SULF2: variants seen among roughly 807,000 people sequenced by gnomAD.
SULF2 encodes the protein sulfatase 2.
SULF2 carries 52 observed loss-of-function variants against 107.7 expected under a neutral mutation model. The observed-to-expected ratio is 0.48, with a 90% CI of 0.39 to 0.61. SULF2 has a LOEUF of 0.61. SULF2 is among the 20% of genes least tolerant of loss of function. The pLI is 0.00. For missense variants in SULF2, 993 were observed against 1,177.3 expected, an observed-to-expected ratio of 0.84 and a Z score of 2.29; for synonymous variants, 460 against 464.3, an observed-to-expected ratio of 0.99 and a Z score of 0.12.
At chr20:47,775,993 T>C (rs998557534) in intron 1 of SULF2, among the ~76,000 whole-genome samples, 2 of 152,112 alleles carry the variant, frequency 1.3e-5, no homozygotes, top group Non-Finnish European at 2.9e-5. Flanking sequence ...AGGCAGATAA[T>C]GTAAACGGGT....
At chr20:47,757,852 C>T (rs982309379) in intron 1 of SULF2, among the ~76,000 whole-genome samples, 4 of 152,106 alleles carry the variant, frequency 2.6e-5, no homozygotes, top group Non-Finnish European at 4.4e-5. Context: ...ATTTGCCGTC[C>T]TCTTGCATCT....
intron 3 of SULF2, among the ~76,000 whole-genome samples, chr20:47,717,590 C>T (rs2089162514): frequency 6.6e-6 from 1 of 152,124 alleles, no homozygotes; most frequent in Admixed American, 6.5e-5. Flanking sequence ...AGACTATCTC[C>T]GAAGTGCTTT....
intron 3 of SULF2, chr20:47,707,036 C>T (rs574031624): frequency 6.6e-6 from 1 of 152,158 alleles, no homozygotes; most frequent in Admixed American, 6.5e-5. Context: ...GTCACCCAGT[C>T]TGGAGGGCAG....
At chr20:47,676,710 C>T (rs1476112327) in intron 9 of SULF2, 87 bp from the exon 10 acceptor site, 1 of 1,490,798 alleles carries the variant, frequency 6.7e-7, no homozygotes. Context: ...AGAGGGGTGC[C>T]CCCTCGGCTC....
intron 5 of SULF2, among the ~76,000 whole-genome samples, chr20:47,687,713 GT>G (rs74178754): frequency 2.6e-4 from 38 of 147,168 alleles, no homozygotes; most frequent in Admixed American, 1.5e-3. Flanking sequence ...GCATGTGTGT[GT>G]TTTTTTTTTT....
chr20:47,701,079 A>C (rs893516962), intron 4 of SULF2, among the ~76,000 whole-genome samples: 6 of 152,372 alleles, frequency 3.9e-5, no homozygotes, highest in Non-Finnish European at 8.8e-5. Flanking sequence ...AATAGACCCA[A>C]ACTGGAGACA....
chr20:47,713,681 T>C (rs2089008798), intron 3 of SULF2, among the ~76,000 whole-genome samples: 2 of 151,656 alleles, frequency 1.3e-5, no homozygotes, highest in African/African-American at 4.9e-5. Flanking sequence ...GCCCAGGAGT[T>C]TAGGTCTGCA....
intron 2 of SULF2, among the ~76,000 whole-genome samples, chr20:47,739,372 A>T (rs1046925005): frequency 6.6e-6 from 1 of 152,016 alleles, no homozygotes; most frequent in Non-Finnish European, 1.5e-5. Context: ...TCTACTTTAA[A>T]TTTTTACCAC....
Position 47,757,359 on chromosome 20 carries a change from C to A in SULF2, c.5G>T (p.Gly2Val). Reference protein sequence around the residue: MGPPSLVLCLLS... With the variant: MVPPSLVLCLLS... ...CAAGCACAGCACGAGGCTCGGGGGG[C>A]CCATCTTCTTTTTTTGCTGATCTGG... The change falls in exon 2 of 21, where the codon GGC (glycine) becomes GTC (valine). Residue 2 changes from glycine to valine, a missense_variant. Gly to Val is a moderately radical substitution (Grantham distance 109, BLOSUM62 -3). Transcript: ENST00000688720. 1 of 1,585,022 alleles carries A rather than the reference C, an allele frequency of 6.3e-7. No homozygotes were observed. The highest frequency in any genetic ancestry group is 8.6e-7 in the Non-Finnish European group (1 of 1,162,268).
chr20:47,758,860 T>TA, intron 1 of SULF2, among the ~76,000 whole-genome samples: 1 of 152,330 alleles, frequency 6.6e-6, no homozygotes, highest in Non-Finnish European at 1.5e-5. Flanking sequence ...TGAAAGGGTC[T>TA]GTTTGTCCTT....
chr20:47,742,662 A>G (rs2089912049), intron 2 of SULF2, among the ~76,000 whole-genome samples: 1 of 152,222 alleles, frequency 6.6e-6, no homozygotes, highest in Non-Finnish European at 1.5e-5. Context: ...ACGTGATTTA[A>G]GAAAAAACCC....
chr20:47,668,535 G>A (rs899637575), intron 11 of SULF2, among the ~76,000 whole-genome samples: 11 of 152,350 alleles, frequency 7.2e-5, no homozygotes, highest in Middle Eastern at 6.8e-3. Flanking sequence ...CGGCGGCCAA[G>A]AGCTTTGACT....
intron 11 of SULF2, among the ~76,000 whole-genome samples, chr20:47,667,165 G>A (rs149285821): frequency 6.6e-6 from 1 of 152,210 alleles, no homozygotes; most frequent in Admixed American, 6.5e-5. Flanking sequence ...AGGAAAAAAA[G>A]TATCATGGAT....
chr20:47,737,194 G>A (rs1189286213), intron 2 of SULF2, among the ~76,000 whole-genome samples: 1 of 152,166 alleles, frequency 6.6e-6, no homozygotes, highest in Non-Finnish European at 1.5e-5. Context: ...AATGGTGCTG[G>A]AGGTGAGTGA....
chr20:47,703,099 A>G (rs569814176), intron 3 of SULF2, among the ~76,000 whole-genome samples: 1 of 151,642 alleles, frequency 6.6e-6, no homozygotes, highest in Non-Finnish European at 1.5e-5. Context: ...AATTTTTTGT[A>G]TTTTTAGTAG....
At chr20:47,758,633 G>A (rs975858504) in intron 1 of SULF2, among the ~76,000 whole-genome samples, 6 of 152,118 alleles carry the variant, frequency 3.9e-5, no homozygotes, top group African/African-American at 1.4e-4. Flanking sequence ...AGGTGGGGAC[G>A]CGACTCTGGC....
intron 1 of SULF2, among the ~76,000 whole-genome samples, chr20:47,774,707 T>C (rs1199263660): frequency 6.6e-6 from 1 of 152,204 alleles, no homozygotes; most frequent in Admixed American, 6.5e-5. Flanking sequence ...CAGAGATTTC[T>C]AACAATTTTT....
At chr20:47,672,069 G>C in intron 11 of SULF2, 129 bp downstream of exon 11, 1 of 979,496 alleles carries the variant, frequency 1.0e-6, no homozygotes, top group Non-Finnish European at 1.5e-6. Flanking sequence ...AGATGTGGCT[G>C]TGTCCCCAGC....
intron 3 of SULF2, among the ~76,000 whole-genome samples, chr20:47,711,262 G>A (rs913149906): frequency 1.9e-4 from 29 of 152,348 alleles, no homozygotes; most frequent in South Asian, 4.1e-4. Flanking sequence ...TGCCCAAAGC[G>A]TCTCTGCAGT....
Sources: gnomAD v4.1 joint callset for allele counts (sites outside exome capture counted in the v4.1 genomes callset) on GRCh38, gnomAD v4.1.1 for gene constraint, MANE v1.5 for transcripts, NCBI Gene and HGNC (gene_info 2026-07-23, HGNC 2026-07-21) for gene names.